The following ALK variants were observed in gnomAD, a reference collection of about 807,000 sequenced individuals.
ALK encodes the protein ALK tyrosine kinase receptor.
Under a neutral mutation model 163.1 loss-of-function variants are expected in ALK, and 74 were observed. That is an observed-to-expected ratio of 0.45 (90% CI 0.38 to 0.55). The LOEUF is 0.55. Ranked by LOEUF, ALK falls within the 20% of genes least tolerant of loss-of-function variation. ALK has a pLI of 0.00. For missense variants in ALK, 2,063 were observed against 2,105.3 expected, an observed-to-expected ratio of 0.98 and a Z score of 0.39; for synonymous variants, 960 against 843.2, an observed-to-expected ratio of 1.14 and a Z score of -2.40.
intron 2 of ALK, among the ~76,000 whole-genome samples, chr2:29,701,556 T>A (rs963306561): frequency 6.6e-6 from 1 of 152,164 alleles, no homozygotes; most frequent in African/African-American, 2.4e-5. Context: ...ACTTCATCCT[T>A]CTTGATTTTG....
At chr2:29,637,022 G>C (rs1334428491) in intron 3 of ALK, among the ~76,000 whole-genome samples, 1 of 152,184 alleles carries the variant, frequency 6.6e-6, no homozygotes, top group East Asian at 1.9e-4. Flanking sequence ...CTGGAAGACA[G>C]TTTGGCAGTT....
intron 3 of ALK, among the ~76,000 whole-genome samples, chr2:29,573,799 C>G (rs1438318058): frequency 1.3e-5 from 2 of 152,104 alleles, no homozygotes; most frequent in East Asian, 3.8e-4. Flanking sequence ...TGACTACACT[C>G]ACAGGAAGGA....
intron 3 of ALK, among the ~76,000 whole-genome samples, chr2:29,633,571 G>A (rs1359568679): frequency 1.3e-5 from 2 of 150,820 alleles, no homozygotes; most frequent in Non-Finnish European, 3.0e-5. Context: ...TAAATATAGA[G>A]AAAAAAATCA....
intron 3 of ALK, among the ~76,000 whole-genome samples, chr2:29,668,800 C>G (rs1051153656): frequency 2.6e-5 from 4 of 152,070 alleles, no homozygotes; most frequent in African/African-American, 9.7e-5. Context: ...AATGGACTCA[C>G]AGTTTCACAT....
At position 29,920,177 on chromosome 2, in the gene ALK, C is replaced by T. The variant is rs897652080; in HGVS notation, c.483G>A (p.Ala161=). Residue 161 remains alanine, a synonymous_variant, in exon 1 of 29, where the codon GCG becomes GCA. Coordinates refer to ENST00000389048, the MANE Select transcript of ALK (RefSeq NM_004304.5). ...GATTGAACTGGAGCAGCCCCACAGC[C>T]GCCTCCCCGGGGGGCCCGACGCAAC... The part of the protein sequence containing the change: ...LEGCVGPPGE[A]AVGLLQFNLS... The T allele has an allele frequency of 1.2e-6, 2 of 1,613,424 alleles. No homozygotes were observed. Among genetic ancestry groups the T allele is most frequent in the Non-Finnish European group, 1.7e-6 (2 of 1,180,014 alleles).
chr2:29,203,607 C>T (rs1292782867), intron 26 of ALK, among the ~76,000 whole-genome samples: 1 of 148,226 alleles, frequency 6.7e-6, no homozygotes, highest in African/African-American at 2.5e-5. Flanking sequence ...TGGCCTCATC[C>T]TCCCAAGTAG....
At chr2:29,721,800 A>G (rs569902342) in intron 1 of ALK, among the ~76,000 whole-genome samples, 5 of 152,332 alleles carry the variant, frequency 3.3e-5, no homozygotes, top group Admixed American at 6.5e-5. Context: ...AAAGAAAGAA[A>G]AAGCTTCTTT....
At chr2:29,274,828 C>T (rs1165877187) in intron 11 of ALK, among the ~76,000 whole-genome samples, 2 of 152,206 alleles carry the variant, frequency 1.3e-5, no homozygotes, top group African/African-American at 2.4e-5. Context: ...AAAATGCCAG[C>T]TTGGTTCTCT....
intron 4 of ALK, among the ~76,000 whole-genome samples, chr2:29,515,450 T>A (rs1369650077): frequency 1.3e-5 from 2 of 152,148 alleles, no homozygotes; most frequent in Non-Finnish European, 2.9e-5. Context: ...CGTATTGAAA[T>A]AAGTATTTAA....
At chr2:29,890,544 G>C (rs1236504649) in intron 1 of ALK, 6 of 152,198 alleles carry the variant, frequency 3.9e-5, no homozygotes, top group Admixed American at 3.9e-4. Context: ...AGTTAGGTTT[G>C]TTCCCATTTC....
intron 26 of ALK, among the ~76,000 whole-genome samples, chr2:29,203,512 T>TTTTTTTTTTTTG (rs869138004): frequency 7.8e-6 from 1 of 127,708 alleles, no homozygotes; most frequent in Non-Finnish European, 1.7e-5. Context: ...TTTTTTTTTT[T>TTTTTTTTTTTTG]GTGAGACAGA....
At chr2:29,785,917 AC>A (rs1664002847) in intron 1 of ALK, among the ~76,000 whole-genome samples, 2 of 3,064 alleles carry the variant, frequency 6.5e-4, no homozygotes, top group Non-Finnish European at 0.016. Flanking sequence ...GAGTATACAC[AC>A]ACACACACAC....
chr2:29,778,643 T>A (rs1266057530), intron 1 of ALK, among the ~76,000 whole-genome samples: 1 of 152,206 alleles, frequency 6.6e-6, no homozygotes, highest in African/African-American at 2.4e-5. Flanking sequence ...CAGTGGCTGC[T>A]ATCTGCTTCG....
intron 3 of ALK, among the ~76,000 whole-genome samples, chr2:29,532,413 T>G (rs1386224390): frequency 1.3e-5 from 2 of 152,222 alleles, no homozygotes; most frequent in Non-Finnish European, 2.9e-5. Flanking sequence ...ATTTTTCATC[T>G]GCAAAACAGG....
intron 1 of ALK, among the ~76,000 whole-genome samples, chr2:29,813,208 G>A (rs1664801240): frequency 6.6e-6 from 1 of 152,190 alleles, no homozygotes; most frequent in Non-Finnish European, 1.5e-5. Context: ...TCTCCAGCCA[G>A]TATTTCCTGA....
chr2:29,523,346 ACC>A (rs1672865673), intron 4 of ALK, among the ~76,000 whole-genome samples: 1 of 151,634 alleles, frequency 6.6e-6, no homozygotes, highest in African/African-American at 2.4e-5. Flanking sequence ...CACCCATTAC[ACC>A]CCTTTCCTTA....
chr2:29,623,777 C>A (rs777065022), intron 3 of ALK, among the ~76,000 whole-genome samples: 35 of 152,186 alleles, frequency 2.3e-4, no homozygotes, highest in Non-Finnish European at 4.4e-4. Flanking sequence ...ATTTCTTAGT[C>A]TATATTTCAA....
chr2:29,356,326 A>G (rs1668244453), intron 5 of ALK, among the ~76,000 whole-genome samples: 3 of 152,222 alleles, frequency 2.0e-5, no homozygotes, highest in African/African-American at 7.2e-5. Context: ...AATGAGGCTC[A>G]GAGAGGTTAC....
chr2:29,672,643 G>T (rs7423841), intron 3 of ALK, among the ~76,000 whole-genome samples: 26,551 of 151,574 alleles, frequency 0.18, 5,286 homozygotes, highest in African/African-American at 0.49. Flanking sequence ...ACATACGTGT[G>T]CATGTGTCTT....
Sources: allele counts gnomAD v4.1 joint callset (sites outside exome capture counted in the v4.1 genomes callset), GRCh38; gene constraint gnomAD v4.1.1; transcripts MANE v1.5; gene names NCBI Gene and HGNC (gene_info 2026-07-23, HGNC 2026-07-21).